Variants in GRK3 observed in about 807,000 individuals in gnomAD.
GRK3 encodes adrenergic, beta, receptor kinase 2.
A neutral mutation model predicts 95.7 loss-of-function variants in GRK3; 54 were observed. That is an observed-to-expected ratio of 0.56 (90% CI 0.45 to 0.71). The LOEUF (loss-of-function observed/expected upper bound fraction) is 0.71. Ranked by LOEUF, GRK3 falls within the 30% of genes least tolerant of loss-of-function variation. GRK3 has a pLI of 0.00. For synonymous variants in GRK3, 281 were observed against 290.8 expected, an observed-to-expected ratio of 0.97 and a Z score of 0.34; for missense variants, 649 against 851.2, an observed-to-expected ratio of 0.76 and a Z score of 2.96.
chr22:25,596,914 C>A (rs553755833), intron 1 of GRK3, among the ~76,000 whole-genome samples: 122 of 152,206 alleles, frequency 8.0e-4, no homozygotes, highest in South Asian at 1.2e-3. Flanking sequence ...ACTTATAGTA[C>A]CAGCATGAGA....
chr22:25,629,255 C>G (rs1384259912), intron 2 of GRK3, among the ~76,000 whole-genome samples: 1 of 151,986 alleles, frequency 6.6e-6, no homozygotes, highest in Admixed American at 6.5e-5. Context: ...GTCAAGCCTG[C>G]AGGAAAAGAG....
At chr22:25,655,868 T>C (rs758345766) in intron 3 of GRK3, among the ~76,000 whole-genome samples, 3 of 152,210 alleles carry the variant, frequency 2.0e-5, no homozygotes, top group Non-Finnish European at 4.4e-5. Flanking sequence ...AGGCTAACTG[T>C]GAGTTTCAAA....
At chr22:25,596,969 C>T (rs2084376925) in intron 1 of GRK3, among the ~76,000 whole-genome samples, 2 of 152,138 alleles carry the variant, frequency 1.3e-5, no homozygotes, top group Non-Finnish European at 2.9e-5. Flanking sequence ...AGTTCCTTCC[C>T]CATTCCATCT....
intron 13 of GRK3, among the ~76,000 whole-genome samples, chr22:25,695,557 AT>A (rs1461110055): frequency 6.6e-6 from 1 of 152,138 alleles, no homozygotes; most frequent in South Asian, 2.1e-4. Context: ...AGGTAGAATG[AT>A]TTTTTCCCTA....
At chr22:25,591,845 T>A (rs1034248880) in intron 1 of GRK3, among the ~76,000 whole-genome samples, 1 of 152,200 alleles carries the variant, frequency 6.6e-6, no homozygotes, top group African/African-American at 2.4e-5. Context: ...TATTGCTGAG[T>A]ACTGTTTCAT....
In GRK3 at chr22:25,576,075, G is replaced by A. The variant is rs1013117948; in HGVS notation, c.113+10922G>A. Among the ~76,000 whole-genome samples the A allele has an allele frequency of 1.8e-3, 273 of 152,290 alleles. 2 individuals are homozygous for A. The highest frequency in any genetic ancestry group is 2.5e-3 in the Non-Finnish European group (171 of 68,034). ...AAAAGTGCGCTAACTCACTTACACAGATTTATCTGAAAAGCTACACTATAA... is the reference window on the plus strand; with the variant it reads ...AAAAGTGCGCTAACTCACTTACACAAATTTATCTGAAAAGCTACACTATAA... On this transcript the variant is annotated intron_variant, in intron 1 of 20. Coordinates refer to ENST00000324198, the MANE Select transcript of GRK3 (RefSeq NM_005160.4).
intron 2 of GRK3, among the ~76,000 whole-genome samples, chr22:25,618,226 AT>A (rs2084554763): frequency 6.6e-6 from 1 of 152,224 alleles, no homozygotes; most frequent in African/African-American, 2.4e-5. Flanking sequence ...ATACACTATC[AT>A]TTCTCTTTGG....
At chr22:25,670,738 A>G (rs1260176440) in intron 6 of GRK3, among the ~76,000 whole-genome samples, 2 of 152,010 alleles carry the variant, frequency 1.3e-5, no homozygotes, top group African/African-American at 2.4e-5. Context: ...TCTAGAATGC[A>G]TTTCTTTTGA....
intron 3 of GRK3, among the ~76,000 whole-genome samples, chr22:25,660,114 G>T (rs2084900193): frequency 6.6e-6 from 1 of 152,136 alleles, no homozygotes; most frequent in African/African-American, 2.4e-5. Context: ...CTTTGGATTT[G>T]CCTAAAGCAA....
chr22:25,676,140 C>T (rs187562793), intron 8 of GRK3, among the ~76,000 whole-genome samples: 1 of 152,284 alleles, frequency 6.6e-6, no homozygotes, highest in East Asian at 1.9e-4. Flanking sequence ...TATACTGAAA[C>T]ACAGTCCTCT....
At chr22:25,611,371 T>C (rs1210725692) in intron 2 of GRK3, among the ~76,000 whole-genome samples, 1 of 152,240 alleles carries the variant, frequency 6.6e-6, no homozygotes, top group Non-Finnish European at 1.5e-5. Flanking sequence ...ATGGCAAATT[T>C]GTGTTTAACT....
intron 14 of GRK3, among the ~76,000 whole-genome samples, chr22:25,703,827 A>G (rs1377431827): frequency 2.0e-5 from 3 of 152,236 alleles, no homozygotes; most frequent in African/African-American, 7.2e-5. Flanking sequence ...TGAGGAAGCT[A>G]AAGAAAATCG....
chr22:25,677,835 C>T (rs2085043991), intron 8 of GRK3, among the ~76,000 whole-genome samples: 1 of 152,150 alleles, frequency 6.6e-6, no homozygotes. Flanking sequence ...CCCTTTTAGC[C>T]TTCTGTTGTC....
At chr22:25,587,304 GTC>G (rs1191998767) in intron 1 of GRK3, among the ~76,000 whole-genome samples, 1 of 152,160 alleles carries the variant, frequency 6.6e-6, no homozygotes, top group Non-Finnish European at 1.5e-5. Context: ...CCTGACCCTA[GTC>G]TCTGTCCTCT....
intron 11 of GRK3, 85 bp downstream of exon 11, chr22:25,687,752 T>G: frequency 6.7e-7 from 1 of 1,490,216 alleles, no homozygotes. Context: ...CATAGAGTCC[T>G]GTCATTTTCC....
At chr22:25,699,988 G>A (rs1050422930) in intron 13 of GRK3, among the ~76,000 whole-genome samples, 24 of 152,280 alleles carry the variant, frequency 1.6e-4, no homozygotes, top group Non-Finnish European at 2.2e-4. Flanking sequence ...GTGAGCCCCC[G>A]CGCCCGGCCG....
chr22:25,633,077 A>ATTT (rs551427982), intron 2 of GRK3, among the ~76,000 whole-genome samples: 1 of 145,792 alleles, frequency 6.9e-6, no homozygotes, highest in African/African-American at 2.5e-5. Context: ...AGCCTGGCTA[A>ATTT]TTTTTTTTTT....
At chr22:25,661,807 ATTTC>A in intron 4 of GRK3, 130 bp downstream of exon 4, 1 of 511,466 alleles carries the variant, frequency 2.0e-6, no homozygotes, top group South Asian at 3.9e-5. Flanking sequence ...GATGGATCCT[ATTTC>A]TTCTGCTTTG....
intron 2 of GRK3, among the ~76,000 whole-genome samples, chr22:25,636,745 T>C (rs2084704473): frequency 6.6e-6 from 1 of 152,232 alleles, no homozygotes. Flanking sequence ...TTTCTGATTT[T>C]TTTTTTAAAA....
Sources: allele counts gnomAD v4.1 joint callset (sites outside exome capture counted in the v4.1 genomes callset), GRCh38; gene constraint gnomAD v4.1.1; transcripts MANE v1.5; gene names NCBI Gene and HGNC (gene_info 2026-07-23, HGNC 2026-07-21).